USP32: variants seen among roughly 807,000 people sequenced by gnomAD.
USP32 encodes the protein ubiquitin specific peptidase 32.
A neutral mutation model predicts 204.8 loss-of-function variants in USP32; 59 were observed. That is an observed-to-expected ratio of 0.29 (90% confidence interval 0.23 to 0.36). The LOEUF is 0.36. Among genes scored for constraint, USP32 ranks in the 10% least tolerant of loss-of-function variants. The pLI is 1.00. For missense variants in USP32, 1,160 were observed against 1,946.4 expected (o/e 0.60, Z 7.60); for synonymous variants, 517 against 678.4 (o/e 0.76, Z 3.70).
At chr17:60,397,012 T>G (rs2089905317), upstream of USP32, among the ~76,000 whole-genome samples, 1 of 152,216 alleles carries the variant, frequency 6.6e-6, no homozygotes, top group Non-Finnish European at 1.5e-5. Context: ...AGTAGCATCC[T>G]TTTAGTTCTC....
chr17:60,225,981 G>C, intron 13 of USP32, 58 bp downstream of exon 13: 2 of 1,203,764 alleles, frequency 1.7e-6, no homozygotes, highest in Non-Finnish European at 1.1e-6. Flanking sequence ...GAAAAGAAAA[G>C]AAAGACCTAT....
intron 1 of USP32, among the ~76,000 whole-genome samples, chr17:60,350,218 T>G (rs1453373005): frequency 6.6e-6 from 1 of 152,158 alleles, no homozygotes; most frequent in African/African-American, 2.4e-5. Flanking sequence ...TTTTGCCATG[T>G]TGCCCAGACT....
chr17:60,363,408 T>C (rs1206734362), intron 1 of USP32, among the ~76,000 whole-genome samples: 8 of 146,554 alleles, frequency 5.5e-5, no homozygotes, highest in Non-Finnish European at 8.9e-5. Flanking sequence ...TGAACCAAGA[T>C]TGCGCCACTG....
chr17:60,360,148 G>A (rs1009500359), intron 1 of USP32, among the ~76,000 whole-genome samples: 27 of 151,684 alleles, frequency 1.8e-4, no homozygotes, highest in African/African-American at 1.9e-4. Flanking sequence ...GATTACAAGC[G>A]TGAGCCACCG....
In USP32 at chr17:60,230,716, T is replaced by C. The variant is rs975646648; in HGVS notation, c.1240-4485A>G. Among the ~76,000 whole-genome samples the C allele has an allele frequency of 2.0e-5, 3 of 152,230 alleles. No individual in the cohort carries two copies. The East Asian group carries it at 5.8e-4, about 29-fold the overall frequency. Reference sequence around the variant, plus strand: ...CTGAAACTGTCAGCACAACTCAGGTTCCTTCTTCCCCTTCCTACACGCTTA... The same window carrying C: ...CTGAAACTGTCAGCACAACTCAGGTCCCTTCTTCCCCTTCCTACACGCTTA... On this transcript the variant is annotated intron_variant, in intron 12 of 33. Coordinates refer to ENST00000300896, the MANE Select transcript of USP32 (RefSeq NM_032582.4).
chr17:60,317,807 A>G (rs918023818), intron 2 of USP32, among the ~76,000 whole-genome samples: 6 of 152,130 alleles, frequency 3.9e-5, no homozygotes, highest in African/African-American at 1.4e-4. Context: ...CCAAAATGGT[A>G]AAAACCCGTC....
chr17:60,255,772 A>G (rs1033722860), intron 9 of USP32, among the ~76,000 whole-genome samples: 1 of 152,170 alleles, frequency 6.6e-6, no homozygotes, highest in Non-Finnish European at 1.5e-5. Flanking sequence ...GGTTGGTAAA[A>G]TTCACTAAAT....
At chr17:60,193,392 T>G (rs920502349) in intron 27 of USP32, among the ~76,000 whole-genome samples, 2 of 152,228 alleles carry the variant, frequency 1.3e-5, no homozygotes, top group African/African-American at 4.8e-5. Flanking sequence ...AAGTACTGCC[T>G]TAACTACTCA....
chr17:60,213,952 T>G lies in USP32; in HGVS notation c.2023-290A>C, dbSNP rs893355999. 1.2e-4 allele frequency among the ~76,000 whole-genome samples: 19 copies of G among 152,046 alleles called. No homozygotes were observed. In the East Asian group the frequency reaches 1.7e-3, roughly 14 times the overall value. ...GAATACGTTTTGTTTTTTGTTTTTT[T>G]TTTTTTTAAAGATGGAGTCTGGCTC... is the stretch of plus-strand genomic sequence containing the variant. On this transcript the variant is annotated intron_variant, in intron 17 of 33. Coordinates refer to ENST00000300896, the MANE Select transcript of USP32 (RefSeq NM_032582.4).
chr17:60,352,708 G>A (rs930507688), intron 1 of USP32, among the ~76,000 whole-genome samples: 3 of 152,128 alleles, frequency 2.0e-5, no homozygotes, highest in Non-Finnish European at 4.4e-5. Context: ...CCAGTTGAGC[G>A]GTTACTGCAT....
intron 5 of USP32, among the ~76,000 whole-genome samples, chr17:60,279,673 CA>C (rs1338271712): frequency 6.6e-6 from 1 of 151,208 alleles, no homozygotes; most frequent in Non-Finnish European, 1.5e-5. Context: ...CCCTTCTCTA[CA>C]AAAAATACAA....
intron 1 of USP32, among the ~76,000 whole-genome samples, chr17:60,388,561 T>C (rs2089773428): frequency 6.6e-6 from 1 of 152,120 alleles, no homozygotes; most frequent in Admixed American, 6.5e-5. Context: ...AATAAAGAGA[T>C]GAAGAATGTG....
chr17:60,294,278 CT>C (rs2145868866), intron 4 of USP32, among the ~76,000 whole-genome samples: 1 of 152,140 alleles, frequency 6.6e-6, no homozygotes, highest in East Asian at 1.9e-4. Context: ...ACAAAATAGG[CT>C]TTGATAAAAC....
intron 2 of USP32, among the ~76,000 whole-genome samples, chr17:60,317,514 T>TA (rs368825449): frequency 0.042 from 4,643 of 109,576 alleles, 113 homozygotes; most frequent in African/African-American, 0.076. Flanking sequence ...AGACCCTGTC[T>TA]AAAAAAAAAA....
chr17:60,336,702 C>A (rs1453603040), intron 2 of USP32, among the ~76,000 whole-genome samples: 3 of 127,482 alleles, frequency 2.4e-5, no homozygotes, highest in African/African-American at 1.1e-4. Flanking sequence ...GGAGACAGAG[C>A]GAGACTCCAT....
chr17:60,182,878 T>G (rs375445440), intron 31 of USP32, among the ~76,000 whole-genome samples: 10 of 152,336 alleles, frequency 6.6e-5, no homozygotes, highest in African/African-American at 1.7e-4. Flanking sequence ...AGACAGCAGC[T>G]ACCATTCCTG....
At chr17:60,295,033 G>A (rs2087391901) in intron 3 of USP32, among the ~76,000 whole-genome samples, 1 of 152,156 alleles carries the variant, frequency 6.6e-6, no homozygotes, top group African/African-American at 2.4e-5. Context: ...AATACAAAGT[G>A]TTAGCAAAGA....
intron 21 of USP32, among the ~76,000 whole-genome samples, chr17:60,210,421 C>T (rs372433134): frequency 1.8e-4 from 28 of 151,964 alleles, no homozygotes; most frequent in Admixed American, 1.8e-3. Flanking sequence ...AAGCGTTTCT[C>T]GTGCCTCAGC....
chr17:60,388,019 A>G (rs923127296), intron 1 of USP32, among the ~76,000 whole-genome samples: 1 of 152,122 alleles, frequency 6.6e-6, no homozygotes, highest in African/African-American at 2.4e-5. Flanking sequence ...CCCAAGCTAT[A>G]TGATCCTAGA....
Sources: gnomAD v4.1 joint callset for allele counts (sites outside exome capture counted in the v4.1 genomes callset) on GRCh38, gnomAD v4.1.1 for gene constraint, MANE v1.5 for transcripts, NCBI Gene and HGNC (gene_info 2026-07-23, HGNC 2026-07-21) for gene names.